Variants in GBGT1 observed in about 807,000 individuals in gnomAD.
The protein encoded by GBGT1 is globoside alpha-1,3-N-acetylgalactosaminyltransferase 1.
GBGT1 carries 18 observed loss-of-function variants against 20.9 expected under a neutral mutation model. That is an observed-to-expected ratio of 0.86 (90% CI 0.60 to 1.28). GBGT1 has a LOEUF of 1.28. GBGT1 is among the 50% of genes most tolerant of loss of function. The probability of loss-of-function intolerance (pLI) is 0.00; values close to 1 mark genes in which losing one functional copy is unlikely to be tolerated. For missense variants in GBGT1, 432 were observed against 455.7 expected (o/e 0.95, Z 0.47); for synonymous variants, 168 against 180.8 (o/e 0.93, Z 0.57).
At chr9:133,157,432 T>C (rs1408440565) in intron 3 of GBGT1, among the ~76,000 whole-genome samples, 1 of 152,262 alleles carries the variant, frequency 6.6e-6, no homozygotes, top group Admixed American at 6.5e-5. Context: ...TACCTCTTAC[T>C]GGTTCTGTTT....
Position 133,162,360 on chromosome 9 carries a change from G to A in GBGT1, c.53C>T (p.Thr18Ile). The change falls in exon 2 of 7, where the codon ACA (threonine) becomes ATA (isoleucine). Residue 18 changes from threonine to isoleucine, a missense_variant. By Grantham distance (89) the Thr-to-Ile change is moderately conservative (BLOSUM62 -1). Coordinates refer to ENST00000372040, the MANE Select transcript of GBGT1 (RefSeq NM_021996.6). The part of the protein sequence containing the change: ...LGLGFCLLAG[T>I]SLSVLWVYLE... ...GACTCACCACAGGACACTGAGGCTT[G>A]TGCCCGCCAACAGGCAGAACCCCAG... is the stretch of plus-strand genomic sequence containing the variant. The A allele has an allele frequency of 1.2e-6, 2 of 1,610,882 alleles. No homozygotes were observed. Among genetic ancestry groups the A allele is most frequent in the South Asian group, 1.1e-5 (1 of 90,248 alleles).
intron 2 of GBGT1, among the ~76,000 whole-genome samples, chr9:133,161,840 GA>G (rs1833055456): frequency 6.6e-6 from 1 of 152,222 alleles, no homozygotes; most frequent in Non-Finnish European, 1.5e-5. Context: ...GAGCTTCATG[GA>G]AGGACAGAAA....
rs927361668 is a variant in GBGT1 at position 133,153,602 on chromosome 9, T to A, written c.1019A>T (p.Lys340Met). ...TCAGCTCCTCAGGCAGCTGATATCC[T>A]TGTCCAGTGTAGAAAAGCGGATCAG... ...LKLIRFSTLD[K>M]DISCLRS Residue 340 changes from lysine (K) to methionine (M), a missense_variant, in exon 7 of 7, where the codon AAG (lysine) becomes ATG (methionine). By Grantham distance (95) the Lys-to-Met change is moderately conservative. Coordinates refer to ENST00000372040, the MANE Select transcript of GBGT1 (RefSeq NM_021996.6). 3.8e-6 allele frequency: 6 copies of A among 1,566,594 alleles called. No individual in the cohort carries two copies. The East Asian group carries it at 9.0e-5, about 24-fold the overall frequency.
chr9:133,155,803 G>A, intron 5 of GBGT1, 98 bp downstream of exon 5: 1 of 1,325,480 alleles, frequency 7.5e-7, no homozygotes, highest in Admixed American at 1.7e-5. Flanking sequence ...TGGGCCCCAA[G>A]GCCACCCTGA....
Position 133,156,078 on chromosome 9 carries a change from G to T in GBGT1, c.138-13C>A, listed in dbSNP as rs768843054. 6.2e-7 allele frequency: 1 copy of T among 1,613,608 alleles called. No homozygotes were observed. Among genetic ancestry groups the T allele is most frequent in the African/African-American group, 1.3e-5 (1 of 74,914 alleles). On this transcript the variant is annotated splice_polypyrimidine_tract_variant and intron_variant, in intron 3 of 6. Transcript: ENST00000372040. The stretch of plus-strand genomic sequence containing the variant: ...CAGCTTCATGTTGCTGGTGGCAGAG[G>T]CAAGAAAGAGCCATCATCATGGGTC...
intron 3 of GBGT1, chr9:133,159,958 G>C (rs535044983): frequency 1.3e-5 from 2 of 153,074 alleles, no homozygotes; most frequent in Non-Finnish European, 2.9e-5. Flanking sequence ...ACGGGAAGAC[G>C]TAGGGAAATG....
intron 2 of GBGT1, 103 bp from the exon 3 acceptor site, chr9:133,161,635 A>G: frequency 1.4e-6 from 1 of 736,432 alleles, no homozygotes; most frequent in South Asian, 1.9e-5. Flanking sequence ...CCCACAGTGC[A>G]TTAGGAGGCC....
At chr9:133,161,605 G>A (rs538545500) in intron 2 of GBGT1, 73 bp from the exon 3 acceptor site, 7 of 992,468 alleles carry the variant, frequency 7.1e-6, no homozygotes, top group African/African-American at 3.2e-5. Context: ...CCTCATGCAC[G>A]TCATTGGGAG....
In GBGT1 at chr9:133,155,983, G is replaced by A. The variant is rs35906929; in HGVS notation, c.188+32C>T. 5.4e-3 allele frequency: 8,692 copies of A among 1,613,582 alleles called. 37 individuals carry two copies. Among genetic ancestry groups the A allele is most frequent in the Middle Eastern group, 0.018 (107 of 6,060 alleles). ...GATGGAGGAGAGCCACCACCCTCAC[G>A]GCCACAAAAGAGGAAATGCCAGTCT... On this transcript the variant is annotated intron_variant, in intron 4 of 6. Transcript: ENST00000372040.
intron 5 of GBGT1, 141 bp downstream of exon 5, chr9:133,155,760 C>A: frequency 2.3e-6 from 2 of 886,110 alleles, no homozygotes; most frequent in Non-Finnish European, 3.6e-6. Flanking sequence ...CCCTGACTCC[C>A]AGCCCTGTGT....
chr9:133,162,006 G>T (rs1324997207), intron 2 of GBGT1, among the ~76,000 whole-genome samples: 1 of 152,134 alleles, frequency 6.6e-6, no homozygotes. Context: ...TGGGGCTGGG[G>T]TTGGAGAACA....
Position 133,154,083 on chromosome 9 carries a change from A to G in GBGT1, c.538T>C (p.Ser180Pro). The G allele has an allele frequency of 6.2e-7, 1 of 1,613,342 alleles. No individual in the cohort carries two copies. The highest frequency in any genetic ancestry group is 1.1e-5 in the South Asian group (1 of 91,086). ...CTGATGGTCTCCATCCGGCGCATGG[A>G]TGTCTCCTCCCAGTGGGAGTGACCC... ...IQGHSHWEET[S>P]MRRMETISQH... Residue 180 changes from serine (S) to proline (P), a missense_variant, in exon 7 of 7, where the codon TCC becomes CCC. Ser to Pro is a moderately conservative substitution (Grantham distance 74). Coordinates refer to ENST00000372040, the MANE Select transcript of GBGT1 (RefSeq NM_021996.6). The surrounding 1 kb of genome is among the most constrained non-coding windows in gnomAD (Gnocchi z 4.2).
At chr9:133,161,375 C>T (rs528267793) in intron 3 of GBGT1, 92 bp downstream of exon 3, 343 of 670,446 alleles carry the variant, frequency 5.1e-4, no homozygotes, top group Non-Finnish European at 8.3e-4. Flanking sequence ...AATCAGGAAC[C>T]GGCAGATGAA....
Position 133,153,966 on chromosome 9 carries a change from T to A in GBGT1, c.655A>T (p.Thr219Ser), listed in dbSNP as rs775209665. The stretch of plus-strand genomic sequence containing the variant: ...ATGGCAGCCACCAGGTCTCCCAAGG[T>A]CTCAGGGCCCCACGGGTTCCGAAAC... ...MVFRNPWGPE[T>S]LGDLVAAIHP... is the part of the protein sequence containing the mutation. The change falls in exon 7 of 7, where the codon ACC (threonine) becomes TCC (serine). Residue 219 changes from threonine (T) to serine (S), a missense_variant. Transcript: ENST00000372040. The A allele has an allele frequency of 6.2e-7, 1 of 1,613,412 alleles. No homozygotes were observed. The highest frequency in any genetic ancestry group is 8.5e-7 in the Non-Finnish European group (1 of 1,179,612).
At chr9:133,157,022 A>G (rs1309754118) in intron 3 of GBGT1, among the ~76,000 whole-genome samples, 1 of 152,126 alleles carries the variant, frequency 6.6e-6, no homozygotes, top group East Asian at 1.9e-4. Flanking sequence ...GGTGGCTCAC[A>G]CCTGTAGTCC....
At position 133,153,304 on chromosome 9, in the gene GBGT1, C is replaced by G; in HGVS notation, c.*273G>C. 1 of 340,948 alleles carries G rather than the reference C, an allele frequency of 2.9e-6. No homozygotes were observed. The highest frequency in any genetic ancestry group is 5.3e-6 in the Non-Finnish European group (1 of 188,780). The allele number at this position is 340,948 out of a possible 1,614,324, so 21.1% of individuals were successfully genotyped here. A position where few individuals can be genotyped will look rare whatever the true frequency, so the allele number is the denominator to read the frequency against. On this transcript the variant is annotated 3_prime_UTR_variant, in exon 7 of 7. Transcript: ENST00000372040. ...CTTCAGAGCCTGCCCCGCAAAGGCACGGCTGCAGAACGTGGCAAGCCTGCC... is the reference window on the plus strand; with the variant it reads ...CTTCAGAGCCTGCCCCGCAAAGGCAGGGCTGCAGAACGTGGCAAGCCTGCC...
chr9:133,156,493 C>G (rs187782686), intron 3 of GBGT1, among the ~76,000 whole-genome samples: 10 of 152,066 alleles, frequency 6.6e-5, no homozygotes, highest in Non-Finnish European at 1.3e-4. Flanking sequence ...AACCTCGTCT[C>G]TACTAAAAAT....
At chr9:133,157,812 C>A (rs1288630918) in intron 3 of GBGT1, among the ~76,000 whole-genome samples, 1 of 152,216 alleles carries the variant, frequency 6.6e-6, no homozygotes, top group Non-Finnish European at 1.5e-5. Flanking sequence ...ATAAAACCAT[C>A]CACTTAGAGT....
rs574746327 is a variant in GBGT1 at position 133,153,270 on chromosome 9, G to C, written c.*307C>G. ...CGGCAGGGTTCAGGCACTCTGAGTC[G>C]GGCTGAGGCTTCAGAGCCTGCCCCG... On this transcript the variant is annotated 3_prime_UTR_variant, in exon 7 of 7. Coordinates refer to ENST00000372040, the MANE Select transcript of GBGT1 (RefSeq NM_021996.6). The C allele has an allele frequency of 3.4e-6, 1 of 290,726 alleles. No homozygotes were observed. The highest frequency in any genetic ancestry group is 1.4e-4 in the South Asian group (1 of 6,952). The allele number at this position is 290,726 out of a possible 1,614,324, so 18.0% of individuals were successfully genotyped here.
Sources: allele counts gnomAD v4.1 joint callset (sites outside exome capture counted in the v4.1 genomes callset), GRCh38; gene constraint gnomAD v4.1.1; non-coding constraint Gnocchi (gnomAD v3.1); transcripts MANE v1.5; gene names NCBI Gene and HGNC (gene_info 2026-07-23, HGNC 2026-07-21).